NR2C1: variants seen among roughly 807,000 people sequenced by gnomAD.
NR2C1 encodes TR2 nuclear hormone receptor.
A neutral mutation model predicts 74.8 loss-of-function variants in NR2C1; 33 were observed. The observed-to-expected ratio is 0.44, with a 90% CI of 0.33 to 0.59. The LOEUF (loss-of-function observed/expected upper bound fraction) is 0.59. NR2C1 is among the 20% of genes least tolerant of loss of function. The pLI is 0.02. For missense variants in NR2C1, 568 were observed against 715.6 expected (o/e 0.79, Z 2.35); for synonymous variants, 225 against 240.6 (o/e 0.94, Z 0.60).
intron 12 of NR2C1, among the ~76,000 whole-genome samples, chr12:95,026,610 G>A (rs1461645849): frequency 6.6e-6 from 1 of 152,150 alleles, no homozygotes; most frequent in Non-Finnish European, 1.5e-5. Flanking sequence ...GAAAATAAAG[G>A]TGACAAATTG....
At chr12:95,067,010 A>C (rs1306139948) in intron 2 of NR2C1, 1 of 331,782 alleles carries the variant, frequency 3.0e-6, no homozygotes, top group Admixed American at 4.9e-5. Flanking sequence ...AACTAGGCTC[A>C]GATTGTACCC....
chr12:95,025,636 C>T (rs1592719268), intron 12 of NR2C1, among the ~76,000 whole-genome samples: 1 of 111,124 alleles, frequency 9.0e-6, no homozygotes, highest in Non-Finnish European at 1.7e-5. Context: ...CCAGCCTGGG[C>T]AACAAGAGTG....
intron 10 of NR2C1, among the ~76,000 whole-genome samples, chr12:95,032,459 A>G (rs1870257193): frequency 6.7e-6 from 1 of 150,274 alleles, no homozygotes; most frequent in Non-Finnish European, 1.5e-5. Context: ...CTCCGTCTCA[A>G]AAAAAAAAAG....
intron 9 of NR2C1, 111 bp from the exon 10 acceptor site, chr12:95,040,708 C>CA: frequency 2.1e-6 from 2 of 972,786 alleles, no homozygotes; most frequent in South Asian, 2.7e-5. Context: ...AATATATTCA[C>CA]AAAAAAAGCT....
At chr12:95,030,183 C>G (rs924542988) in intron 11 of NR2C1, among the ~76,000 whole-genome samples, 39 of 152,158 alleles carry the variant, frequency 2.6e-4, no homozygotes, top group Non-Finnish European at 4.1e-4. Context: ...GAAATGTTTG[C>G]TTTCAAGATA....
intron 2 of NR2C1, 123 bp downstream of exon 2, chr12:95,067,208 T>C: frequency 2.5e-6 from 2 of 803,308 alleles, no homozygotes; most frequent in Non-Finnish European, 4.3e-6. Flanking sequence ...TCTCAGTAGC[T>C]TGAAAAGCTA....
intron 2 of NR2C1, among the ~76,000 whole-genome samples, chr12:95,065,014 G>A (rs1223800095): frequency 6.6e-6 from 1 of 152,148 alleles, no homozygotes; most frequent in Non-Finnish European, 1.5e-5. Flanking sequence ...CTGCTCCTGG[G>A]TTGAAACATT....
intron 9 of NR2C1, among the ~76,000 whole-genome samples, chr12:95,047,828 A>G (rs1379958603): frequency 6.6e-6 from 1 of 152,242 alleles, no homozygotes; most frequent in Non-Finnish European, 1.5e-5. Context: ...TCCAAGCATT[A>G]TTTGAATGAC....
chr12:95,043,389 C>CA (rs147652423), intron 9 of NR2C1, among the ~76,000 whole-genome samples: 3,152 of 151,936 alleles, frequency 0.021, 101 homozygotes, highest in African/African-American at 0.072. Context: ...AAAACAACAA[C>CA]AAAAAAGTCC....
chr12:95,034,657 TC>T (rs1190189700), intron 10 of NR2C1, among the ~76,000 whole-genome samples: 1 of 152,164 alleles, frequency 6.6e-6, no homozygotes, highest in Admixed American at 6.5e-5. Flanking sequence ...ACAATGGTGG[TC>T]CCTTAAGATT....
intron 7 of NR2C1, among the ~76,000 whole-genome samples, chr12:95,055,908 G>C (rs892045028): frequency 6.8e-6 from 1 of 146,998 alleles, no homozygotes; most frequent in Non-Finnish European, 1.5e-5. Context: ...AGCCGAGATC[G>C]GGACACTGCA....
chr12:95,040,715 A>G, intron 9 of NR2C1, 118 bp from the exon 10 acceptor site: 1 of 948,476 alleles, frequency 1.1e-6, no homozygotes, highest in Non-Finnish European at 1.5e-6. Context: ...TCACAAAAAA[A>G]GCTAATCTTG....
At chr12:95,026,762 CAT>C (rs1491249072) in intron 12 of NR2C1, 4 of 152,122 alleles carry the variant, frequency 2.6e-5, no homozygotes, top group Non-Finnish European at 4.4e-5. Flanking sequence ...AGAACAGAAA[CAT>C]ATCAGAATGA....
At chr12:95,026,634 G>C (rs1869399550) in intron 12 of NR2C1, among the ~76,000 whole-genome samples, 1 of 152,158 alleles carries the variant, frequency 6.6e-6, no homozygotes, top group Admixed American at 6.5e-5. Flanking sequence ...TAAGAATAGA[G>C]ACATACGTTA....
Position 95,040,113 on chromosome 12 carries a change from A to G in NR2C1, c.1253+363T>C, listed in dbSNP as rs949333363. The stretch of plus-strand genomic sequence containing the variant: ...CTCTTTAGTAACATGCCTGGGATGA[A>G]CACTGAAACAGTAGTGATGAGAGAG... On this transcript the variant is annotated intron_variant, in intron 10 of 13. Transcript: ENST00000333003. Among the ~76,000 whole-genome samples, 7 of 152,266 alleles carry G rather than the reference A, an allele frequency of 4.6e-5. No homozygotes were observed. The East Asian group carries it at 1.3e-3, about 29-fold the overall frequency.
chr12:95,025,473 A>G (rs1869241669), intron 12 of NR2C1: 1 of 304,830 alleles, frequency 3.3e-6, no homozygotes, highest in Non-Finnish European at 5.9e-6. Flanking sequence ...AGCCTGACCA[A>G]CATGGAGAAG....
chr12:95,066,868 C>G (rs1175296511), intron 2 of NR2C1: 2 of 155,674 alleles, frequency 1.3e-5, no homozygotes, highest in Non-Finnish European at 2.8e-5. Flanking sequence ...CTGGTTGATT[C>G]TCTGAAGTGT....
chr12:95,032,148 G>A (rs1286514181), intron 10 of NR2C1, among the ~76,000 whole-genome samples: 2 of 152,344 alleles, frequency 1.3e-5, no homozygotes, highest in African/African-American at 2.4e-5. Context: ...GATTACAGGC[G>A]TGAGCCACTG....
intron 1 of NR2C1, among the ~76,000 whole-genome samples, chr12:95,071,201 CAAAAA>C (rs779085122): frequency 1.1e-5 from 1 of 94,050 alleles, no homozygotes; most frequent in Non-Finnish European, 2.3e-5. Context: ...AACTCCGTCT[CAAAAA>C]AAAAAAAAAA....
Sources: gnomAD v4.1 joint callset for allele counts (sites outside exome capture counted in the v4.1 genomes callset) on GRCh38, gnomAD v4.1.1 for gene constraint, MANE v1.5 for transcripts, NCBI Gene and HGNC (gene_info 2026-07-23, HGNC 2026-07-21) for gene names.